WT1: variants seen among roughly 807,000 people sequenced by gnomAD.
WT1 encodes Wilms tumor protein.
A neutral mutation model predicts 60.8 loss-of-function variants in WT1; 8 were observed. The observed-to-expected ratio is 0.13, with a 90% confidence interval of 0.08 to 0.24. The LOEUF (loss-of-function observed/expected upper bound fraction) is 0.24. Ranked by LOEUF, WT1 falls within the 10% of genes least tolerant of loss-of-function variation. The pLI, the probability that WT1 is intolerant of heterozygous loss-of-function variation, is 1.00. For missense variants in WT1, 568 were observed against 711.8 expected (o/e 0.80, Z 2.30); for synonymous variants, 312 against 297.1 (o/e 1.05, Z -0.52).
chr11:32,405,376 G>A (rs755494263), intron 5 of WT1, among the ~76,000 whole-genome samples: 4 of 151,878 alleles, frequency 2.6e-5, no homozygotes, highest in Admixed American at 1.3e-4. Flanking sequence ...AATCACTGTC[G>A]GGTCAAATAA....
At chr11:32,401,927 T>G (rs181197568) in intron 5 of WT1, among the ~76,000 whole-genome samples, 1 of 152,226 alleles carries the variant, frequency 6.6e-6, no homozygotes, top group East Asian at 1.9e-4. Flanking sequence ...ACTCTAACAG[T>G]TGGTTCCAGG....
At chr11:32,416,325 A>G (rs1852666687) in intron 5 of WT1, among the ~76,000 whole-genome samples, 165 bp downstream of exon 5, 1 of 151,584 alleles carries the variant, frequency 6.6e-6, no homozygotes, top group Non-Finnish European at 1.5e-5. Flanking sequence ...TGTCCCCAGC[A>G]TGTGTATGAT....
intron 5 of WT1, among the ~76,000 whole-genome samples, chr11:32,407,656 C>T (rs1238432173): frequency 6.6e-6 from 1 of 152,108 alleles, no homozygotes; most frequent in African/African-American, 2.4e-5. Flanking sequence ...AACCCCTCTT[C>T]TCTCCCCACC....
At chr11:32,407,366 G>A (rs1420869304) in intron 5 of WT1, among the ~76,000 whole-genome samples, 1 of 152,182 alleles carries the variant, frequency 6.6e-6, no homozygotes, top group African/African-American at 2.4e-5. Context: ...AGGTTTTACA[G>A]ATGAGGAAAA....
chr11:32,433,480 G>C (rs1255395229), intron 1 of WT1, among the ~76,000 whole-genome samples: 1 of 152,240 alleles, frequency 6.6e-6, no homozygotes, highest in Non-Finnish European at 1.5e-5. Flanking sequence ...AGCCTTGGGC[G>C]AAGGTACCTC....
In WT1 at chr11:32,435,280, A is replaced by G. The variant is rs755007049; in HGVS notation, c.81T>C (p.Pro27=). Residue 27 remains proline, a synonymous_variant, in exon 1 of 10, where the codon CCT becomes CCC. Coordinates refer to ENST00000452863, the MANE Select transcript of WT1 (RefSeq NM_024426.6). ...GCTGCTCTGGCTGCTGTAGGCACCC[A>G]GGCCCGGAGCGGAGCGTGTGCTGAG... 3.9e-6 allele frequency: 6 copies of G among 1,534,000 alleles called. No individual in the cohort carries two copies. The highest frequency in any genetic ancestry group is 5.2e-6 in the Non-Finnish European group (6 of 1,146,704).
At chr11:32,401,357 A>G (rs1243819929) in intron 5 of WT1, among the ~76,000 whole-genome samples, 1 of 152,162 alleles carries the variant, frequency 6.6e-6, no homozygotes, top group African/African-American at 2.4e-5. Context: ...GGGAGTTGGG[A>G]AGGCAAAGAA....
chr11:32,392,519 C>T lies in WT1; in HGVS notation c.1354+147G>A, dbSNP rs980407597. ...CTTTTTCTTTATTTAAGAGGAGGAACATCTCCAGAGATTATGGGGGGAAAA... is the reference window on the plus strand; with the variant it reads ...CTTTTTCTTTATTTAAGAGGAGGAATATCTCCAGAGATTATGGGGGGAAAA... On this transcript the variant is annotated intron_variant, in intron 8 of 9. Transcript: ENST00000452863. 14 of 805,232 alleles carry T rather than the reference C, an allele frequency of 1.7e-5. No homozygotes were observed. The South Asian group carries it at 2.1e-4, about 12-fold the overall frequency. 49.9% of individuals were successfully genotyped at this position (805,232 alleles called of 1,614,324 possible). A position where few individuals can be genotyped will look rare whatever the true frequency, so the allele number is the denominator to read the frequency against.
chr11:32,430,624 C>A, intron 1 of WT1: 1 of 1,543,516 alleles, frequency 6.5e-7, no homozygotes. Context: ...CCGGCGAGGG[C>A]CGTGGGTCCC....
At chr11:32,427,174 C>A (rs1853078663) in intron 3 of WT1, among the ~76,000 whole-genome samples, 1 of 152,254 alleles carries the variant, frequency 6.6e-6, no homozygotes, top group African/African-American at 2.4e-5. Context: ...CAGCCCCGTG[C>A]GGGCTGGTGT....
intron 5 of WT1, 62 bp from the exon 6 acceptor site, chr11:32,400,106 T>C: frequency 6.4e-7 from 1 of 1,573,696 alleles, no homozygotes; most frequent in South Asian, 1.1e-5. Flanking sequence ...TGGAAATGCT[T>C]ATCTGCAATC....
At chr11:32,418,583 A>C (rs1248597050) in intron 3 of WT1, among the ~76,000 whole-genome samples, 1 of 152,216 alleles carries the variant, frequency 6.6e-6, no homozygotes, top group African/African-American at 2.4e-5. Context: ...GAAATGAAAA[A>C]AGATAAGAGG....
At chr11:32,400,366 A>T in intron 5 of WT1, 1 of 432,538 alleles carries the variant, frequency 2.3e-6, no homozygotes, top group Middle Eastern at 7.0e-4. Flanking sequence ...TACCATCTAG[A>T]CGGCAGGGCT....
intron 5 of WT1, among the ~76,000 whole-genome samples, chr11:32,406,304 G>A (rs1174588689): frequency 6.6e-6 from 1 of 152,114 alleles, no homozygotes; most frequent in Admixed American, 6.5e-5. Context: ...TTCTTATAAG[G>A]AGAGTGCAAC....
At chr11:32,409,694 C>T (rs566607766) in intron 5 of WT1, among the ~76,000 whole-genome samples, 3 of 152,084 alleles carry the variant, frequency 2.0e-5, no homozygotes, top group Non-Finnish European at 1.5e-5. Flanking sequence ...TGAATTCCTG[C>T]CTCAGCTTTC....
In WT1 at chr11:32,403,291, G is replaced by A. The variant is rs575386285; in HGVS notation, c.1017-3247C>T. ...GTGTGCCCAGAACACCAAGTACAAC[G>A]TACTGGCATCTGATGTGGTAGCAAT... On this transcript the variant is annotated intron_variant, in intron 5 of 9. Transcript: ENST00000452863. 6.4e-4 allele frequency among the ~76,000 whole-genome samples: 98 copies of A among 152,234 alleles called. 1 individual carries two copies. Among genetic ancestry groups the A allele is most frequent in the Middle Eastern group, 6.8e-3 (2 of 294 alleles).
chr11:32,396,210 A>G (rs1400564181), intron 7 of WT1, 47 bp downstream of exon 7: 1 of 1,612,922 alleles, frequency 6.2e-7, no homozygotes, highest in Non-Finnish European at 8.5e-7. Context: ...CTGGAAAAGG[A>G]GCTCTTGAAC....
chr11:32,405,312 CT>C (rs1231391219), intron 5 of WT1, among the ~76,000 whole-genome samples: 1 of 152,066 alleles, frequency 6.6e-6, no homozygotes, highest in Non-Finnish European at 1.5e-5. Context: ...GAAATCTGGA[CT>C]TTTTTGAGAG....
Position 32,434,944 on chromosome 11 carries a change from C to T in WT1, c.417G>A (p.Pro139=), listed in dbSNP as rs758361767. 6.3e-6 allele frequency: 10 copies of T among 1,575,174 alleles called. No individual in the cohort carries two copies. The highest frequency in any genetic ancestry group is 3.6e-5 in the Admixed American group (2 of 55,154). Residue 139 remains proline (P), a synonymous_variant, in exon 1 of 10, where the codon CCG becomes CCA. Transcript: ENST00000452863. ...CCTGTTTGATGAAGGAGTGAGGCGG[C>T]GGCGGCGGGGGTGGCGGCGGAGCCG...
Sources: allele counts gnomAD v4.1 joint callset (sites outside exome capture counted in the v4.1 genomes callset), GRCh38; gene constraint gnomAD v4.1.1; transcripts MANE v1.5; gene names NCBI Gene and HGNC (gene_info 2026-07-23, HGNC 2026-07-21).